GLIPR1L2: variants seen among roughly 807,000 people sequenced by gnomAD.
The protein encoded by GLIPR1L2 is GLIPR1-like protein 2.
GLIPR1L2 carries 21 observed loss-of-function variants against 28.4 expected under a neutral mutation model. The observed-to-expected ratio is 0.74, with a 90% CI of 0.52 to 1.06. The LOEUF is 1.06. GLIPR1L2 is among the 50% of genes least tolerant of loss of function. The pLI, the probability that GLIPR1L2 is intolerant of heterozygous loss-of-function variation, is 0.00. For missense variants in GLIPR1L2, 476 were observed against 416.9 expected, an observed-to-expected ratio of 1.14 and a Z score of -1.23; for synonymous variants, 145 against 139.3, an observed-to-expected ratio of 1.04 and a Z score of -0.29.
intron 1 of GLIPR1L2, among the ~76,000 whole-genome samples, chr12:75,409,768 ATGTATATCTAATCTGATATATATAAG>A (rs2045845107): frequency 6.8e-6 from 1 of 146,302 alleles, no homozygotes; most frequent in Non-Finnish European, 1.5e-5. Context: ...TATATATAAG[ATGTATATCTAATCTGATATATATAAG>A]ATGTATATCT....
intron 4 of GLIPR1L2, among the ~76,000 whole-genome samples, chr12:75,430,143 G>A (rs7300296): frequency 0.35 from 52,892 of 151,590 alleles, 9,597 homozygotes; most frequent in East Asian, 0.46. Flanking sequence ...TATGAAAATG[G>A]ACTGATACAT....
intron 1 of GLIPR1L2, among the ~76,000 whole-genome samples, chr12:75,399,148 G>C (rs1001024579): frequency 6.6e-6 from 1 of 152,088 alleles, no homozygotes; most frequent in African/African-American, 2.4e-5. Flanking sequence ...TGAAAAATGA[G>C]GGTTATTGAA....
intron 3 of GLIPR1L2, among the ~76,000 whole-genome samples, chr12:75,415,862 T>C (rs2045918574): frequency 1.3e-5 from 2 of 152,116 alleles, no homozygotes; most frequent in South Asian, 4.1e-4. Context: ...AACTCTCTGC[T>C]TTTAAAACAC....
chr12:75,424,772 A>G (rs951171565), intron 4 of GLIPR1L2, among the ~76,000 whole-genome samples: 3 of 152,174 alleles, frequency 2.0e-5, no homozygotes, highest in African/African-American at 7.2e-5. Context: ...CAGTTTTACT[A>G]TAACACCATT....
At chr12:75,396,259 G>A (rs2045680532) in intron 1 of GLIPR1L2, among the ~76,000 whole-genome samples, 1 of 151,896 alleles carries the variant, frequency 6.6e-6, no homozygotes, top group Non-Finnish European at 1.5e-5. Flanking sequence ...TTAACCCTGG[G>A]GCTCAAGTGA....
intron 2 of GLIPR1L2, among the ~76,000 whole-genome samples, chr12:75,411,095 T>A (rs1016877001): frequency 6.6e-6 from 1 of 152,020 alleles, no homozygotes; most frequent in East Asian, 1.9e-4. Context: ...AATAGTATTA[T>A]TTCCCTGCCT....
chr12:75,406,045 G>T (rs1456862465), intron 1 of GLIPR1L2, among the ~76,000 whole-genome samples: 1 of 147,508 alleles, frequency 6.8e-6, no homozygotes, highest in African/African-American at 2.5e-5. Context: ...TAAAAAGATT[G>T]TGTATCTTAA....
chr12:75,429,797 C>G (rs958654987), intron 4 of GLIPR1L2, among the ~76,000 whole-genome samples: 5 of 151,850 alleles, frequency 3.3e-5, no homozygotes, highest in Non-Finnish European at 7.4e-5. Context: ...GGCAGTTCTC[C>G]CCTCACTCTC....
intron 1 of GLIPR1L2, among the ~76,000 whole-genome samples, chr12:75,408,185 A>T (rs145147929): frequency 6.6e-6 from 1 of 152,050 alleles, no homozygotes; most frequent in East Asian, 1.9e-4. Context: ...TATCTCATTA[A>T]CTGCTTCTTG....
At chr12:75,410,366 A>G in intron 1 of GLIPR1L2, 68 bp from the exon 2 acceptor site, 1 of 1,388,686 alleles carries the variant, frequency 7.2e-7, no homozygotes, top group Non-Finnish European at 9.6e-7. Context: ...ATGATAACTC[A>G]AGAAAAAATA....
chr12:75,401,031 G>C (rs1288149324), intron 1 of GLIPR1L2, among the ~76,000 whole-genome samples: 1 of 151,966 alleles, frequency 6.6e-6, no homozygotes, highest in Non-Finnish European at 1.5e-5. Flanking sequence ...ATGATTTGAT[G>C]TTGGTGGCTA....
chr12:75,415,470 A>C (rs1367755170), intron 3 of GLIPR1L2, among the ~76,000 whole-genome samples: 3 of 152,102 alleles, frequency 2.0e-5, no homozygotes, highest in Admixed American at 2.0e-4. Context: ...TGGATAATGA[A>C]TTACCACAAA....
intron 3 of GLIPR1L2, among the ~76,000 whole-genome samples, chr12:75,418,299 C>G (rs1337403911): frequency 2.0e-5 from 3 of 151,972 alleles, no homozygotes; most frequent in Admixed American, 6.6e-5. Flanking sequence ...TTTCACTCAT[C>G]TTAGAGGATT....
intron 1 of GLIPR1L2, among the ~76,000 whole-genome samples, chr12:75,401,252 A>G (rs2045738527): frequency 6.6e-6 from 1 of 151,796 alleles, no homozygotes; most frequent in Non-Finnish European, 1.5e-5. Flanking sequence ...GCAAAAATAT[A>G]TACCTGAAAT....
intron 1 of GLIPR1L2, among the ~76,000 whole-genome samples, chr12:75,406,620 C>T (rs991948638): frequency 5.3e-5 from 8 of 151,312 alleles, no homozygotes; most frequent in Non-Finnish European, 8.9e-5. Flanking sequence ...TAGCTGGGTG[C>T]GGTGGTGCAC....
In GLIPR1L2 at chr12:75,391,142, G is replaced by A. The variant is rs376300383; in HGVS notation, c.26G>A (p.Arg9Gln). The change falls in exon 1 of 6, where the codon CGG becomes CAG. Residue 9 changes from arginine (R) to glutamine (Q), a missense_variant. Coordinates refer to ENST00000550916, the MANE Select transcript of GLIPR1L2 (RefSeq NM_001270396.2). The stretch of plus-strand genomic sequence containing the variant: ...ATGGAGGCCGCAAGGCCCTTCGCCC[G>A]GGAGTGGAGGGCCCAGTCCCTACCC... MEAARPFA[R>Q]EWRAQSLPLA... is the part of the protein sequence containing the mutation. 3.1e-6 allele frequency: 5 copies of A among 1,613,784 alleles called. No individual in the cohort carries two copies. The highest frequency in any genetic ancestry group is 2.2e-5 in the East Asian group (1 of 44,862).
chr12:75,413,994 A>G (rs1322887075), intron 3 of GLIPR1L2, among the ~76,000 whole-genome samples: 1 of 152,026 alleles, frequency 6.6e-6, no homozygotes, highest in African/African-American at 2.4e-5. Context: ...TTTATTCTAA[A>G]ATTTATAGTA....
At chr12:75,427,805 C>G (rs1213393310) in intron 4 of GLIPR1L2, among the ~76,000 whole-genome samples, 2 of 152,206 alleles carry the variant, frequency 1.3e-5, no homozygotes, top group African/African-American at 4.8e-5. Flanking sequence ...GGCAGTTGCC[C>G]CCTGCCTCTC....
chr12:75,401,642 AACTT>A (rs2045743104), intron 1 of GLIPR1L2, among the ~76,000 whole-genome samples: 2 of 152,042 alleles, frequency 1.3e-5, no homozygotes, highest in Non-Finnish European at 2.9e-5. Flanking sequence ...CATAAAGAAA[AACTT>A]AAGTAGAAAT....
Sources: allele counts gnomAD v4.1 joint callset (sites outside exome capture counted in the v4.1 genomes callset), GRCh38; gene constraint gnomAD v4.1.1; transcripts MANE v1.5; gene names NCBI Gene and HGNC (gene_info 2026-07-23, HGNC 2026-07-21).